Variants in ARID3A observed in about 807,000 individuals in gnomAD.
ARID3A encodes the protein AT-rich interaction domain 3A.
In ARID3A, 11 loss-of-function variants were observed where a neutral mutation model predicts 52.7. The ratio of observed to expected loss-of-function variants is 0.21; its 90% CI spans 0.13 to 0.35. The LOEUF is 0.35. Ranked by LOEUF, ARID3A falls within the 10% of genes least tolerant of loss-of-function variation. The pLI, the probability that ARID3A is intolerant of heterozygous loss-of-function variation, is 1.00. For missense variants in ARID3A, 721 were observed against 838.5 expected (o/e 0.86, Z 1.73); for synonymous variants, 404 against 359.4 (o/e 1.12, Z -1.40).
intron 1 of ARID3A, among the ~76,000 whole-genome samples, chr19:928,056 G>T (rs886156713): frequency 7.2e-5 from 11 of 152,064 alleles, no homozygotes; most frequent in Admixed American, 4.6e-4. Context: ...TCACAGGAGG[G>T]ATCTGAGTCC....
intron 3 of ARID3A, among the ~76,000 whole-genome samples, chr19:958,907 A>G (rs901339055): frequency 1.3e-5 from 2 of 151,972 alleles, no homozygotes; most frequent in African/African-American, 4.8e-5. Context: ...AAAAAATTCC[A>G]TATTTCTTGT....
rs142328261 is a variant in ARID3A at position 946,502 on chromosome 19, G to A, written c.694-13590G>A. ...GTCTCCCAGGCTAGAGTGCGGTGTC[G>A]CGGTCTTGGCTCACTGCAAGCTCCG... is the stretch of plus-strand genomic sequence containing the variant. On this transcript the variant is annotated intron_variant, in intron 3 of 8. Transcript: ENST00000263620. Among the ~76,000 whole-genome samples the A allele has an allele frequency of 5.9e-3, 821 of 140,274 alleles. 12 individuals carry two copies. Among genetic ancestry groups the A allele is most frequent in the African/African-American group, 0.022 (795 of 36,726 alleles). The allele number at this position is 140,274 out of a possible 152,430, so 92.0% of individuals were successfully genotyped here.
At position 972,170 on chromosome 19, in the gene ARID3A, G is replaced by A; in HGVS notation, c.*105G>A. On this transcript the variant is annotated 3_prime_UTR_variant, in exon 9 of 9. Transcript: ENST00000263620. ...GGATGGCGGAAGATACGGGTGGGGA[G>A]GGAAGATATCCAGAAAGGAGCCACA... 1 of 1,086,572 alleles carries A rather than the reference G, an allele frequency of 9.2e-7. No individual in the cohort carries two copies. Among genetic ancestry groups the A allele is most frequent in the African/African-American group, 1.7e-5 (1 of 59,018 alleles). 67.3% of individuals were successfully genotyped at this position (1,086,572 alleles called of 1,614,324 possible).
rs971163301 is a variant in ARID3A at position 964,755 on chromosome 19, G to T, written c.951-78G>T. 2 of 1,538,286 alleles carry T rather than the reference G, an allele frequency of 1.3e-6. No individual in the cohort carries two copies. The highest frequency in any genetic ancestry group is 1.8e-6 in the Non-Finnish European group (2 of 1,138,518). Reference sequence around the variant, plus strand: ...ACCAGGGATGGTGGTGCCACAGTGGGGTTTACTTTGTACTGAAGGCCAAAG... The same window carrying T: ...ACCAGGGATGGTGGTGCCACAGTGGTGTTTACTTTGTACTGAAGGCCAAAG... On this transcript the variant is annotated intron_variant, in intron 5 of 8. Transcript: ENST00000263620. The surrounding 1 kb of genome is among the most constrained non-coding windows in gnomAD (Gnocchi z 5.7).
intron 8 of ARID3A, 115 bp downstream of exon 8, chr19:968,618 G>A: frequency 1.1e-6 from 1 of 916,784 alleles, no homozygotes. Flanking sequence ...CGGGCGAGCA[G>A]GGCACGGCCA....
At position 959,893 on chromosome 19, in the gene ARID3A, G is replaced by A. The variant is rs960586536; in HGVS notation, c.694-199G>A. On this transcript the variant is annotated intron_variant, in intron 3 of 8. Transcript: ENST00000263620. The surrounding 1 kb of genome is among the most constrained non-coding windows in gnomAD (Gnocchi z 5.0). The stretch of plus-strand genomic sequence containing the variant: ...TCCTTGCAGACCCTCTGGGAAGCTC[G>A]TTCACCGGCATTTCTGTCTTGCAGC... Among the ~76,000 whole-genome samples the A allele has an allele frequency of 6.6e-6, 1 of 152,134 alleles. No individual in the cohort carries two copies. The highest frequency in any genetic ancestry group is 1.5e-5 in the Non-Finnish European group (1 of 68,010).
intron 3 of ARID3A, among the ~76,000 whole-genome samples, chr19:946,066 AG>A (rs2037672562): frequency 6.6e-6 from 1 of 151,918 alleles, no homozygotes; most frequent in South Asian, 2.1e-4. Context: ...TCGCGGAGGC[AG>A]GGGCCCGGCG....
intron 3 of ARID3A, among the ~76,000 whole-genome samples, chr19:954,370 G>T (rs1019042902): frequency 6.6e-6 from 1 of 152,254 alleles, no homozygotes; most frequent in South Asian, 2.1e-4. Flanking sequence ...CCCACAGCAG[G>T]AAGTGGACAG....
chr19:933,504 G>T (rs763859962), intron 3 of ARID3A, among the ~76,000 whole-genome samples: 2 of 152,158 alleles, frequency 1.3e-5, no homozygotes, highest in South Asian at 2.1e-4. Context: ...GGGCGCGGCT[G>T]GGGGGAGCCA....
intron 6 of ARID3A, among the ~76,000 whole-genome samples, chr19:965,508 ACATAGTGAGACCC>A (rs1435838986): frequency 2.0e-5 from 3 of 150,848 alleles, no homozygotes; most frequent in Admixed American, 2.0e-4. Context: ...CATCTGGGCA[ACATAGTGAGACCC>A]CATCTCAAAA....
chr19:940,383 G>A (rs984626574), intron 3 of ARID3A, among the ~76,000 whole-genome samples: 7 of 152,102 alleles, frequency 4.6e-5, no homozygotes, highest in South Asian at 2.1e-4. Context: ...CCTGGGCCGC[G>A]GGTCAGTCAA....
rs2038356504 is a variant in ARID3A, at chr19:975,262, G to A, written c.*3197G>A. 2 of 231,744 alleles carry A rather than the reference G, an allele frequency of 8.6e-6. No homozygotes were observed. Among genetic ancestry groups the A allele is most frequent in the African/African-American group, 2.2e-5 (1 of 45,222 alleles). The allele number at this position is 231,744 out of a possible 1,614,324, so 14.4% of individuals were successfully genotyped here. The stretch of plus-strand genomic sequence containing the variant: ...TGGGTGCCCCACAGTCAAGGCCAAC[G>A]GGGGCTCCCCCTGCTCTGAGATGTT... On this transcript the variant is annotated 3_prime_UTR_variant, in exon 9 of 9. Transcript: ENST00000263620.
Position 941,987 on chromosome 19 carries a change from G to C in ARID3A, c.693+9245G>C, listed in dbSNP as rs10411830. Among the ~76,000 whole-genome samples, 34 of 152,184 alleles carry C rather than the reference G, an allele frequency of 2.2e-4. No individual in the cohort carries two copies. Among genetic ancestry groups the C allele is most frequent in the African/African-American group, 8.2e-4 (34 of 41,518 alleles). ...CCCTGAAGCATGAGGTCGCGGTGGG[G>C]CCTATTAACCATTAGACCCCCGGGG... On this transcript the variant is annotated intron_variant, in intron 3 of 8. Coordinates refer to ENST00000263620, the MANE Select transcript of ARID3A (RefSeq NM_005224.3). The surrounding 1 kb of genome is among the most constrained non-coding windows in gnomAD (Gnocchi z 6.9).
Position 947,168 on chromosome 19 carries a change from G to C in ARID3A, c.694-12924G>C, listed in dbSNP as rs1216350032. ...GGGCACCGTGGGGTGGGGTGTGTCTGTGTGTGGCCTGGGGCACCCCCTGCC... is the reference window on the plus strand; with the variant it reads ...GGGCACCGTGGGGTGGGGTGTGTCTCTGTGTGGCCTGGGGCACCCCCTGCC... On this transcript the variant is annotated intron_variant, in intron 3 of 8. Coordinates refer to ENST00000263620, the MANE Select transcript of ARID3A (RefSeq NM_005224.3). This position sits in a 1 kb window ranked among gnomAD's most constrained non-coding sequence, Gnocchi z 6.3. 6.6e-6 allele frequency among the ~76,000 whole-genome samples: 1 copy of C among 152,130 alleles called. No individual in the cohort carries two copies. The highest frequency in any genetic ancestry group is 1.9e-4 in the East Asian group (1 of 5,198).
rs183621037 is a variant in ARID3A, at chr19:959,225, G to T, written c.694-867G>T. Among the ~76,000 whole-genome samples the T allele has an allele frequency of 1.8e-3, 280 of 152,334 alleles. No individual in the cohort carries two copies. Among genetic ancestry groups the T allele is most frequent in the African/African-American group, 5.7e-3 (236 of 41,570 alleles). ...CCCAGAAGCCGTGAGAGGCAGGAAG[G>T]TTCCTCCCTTGGAGACTTCGGAGGG... On this transcript the variant is annotated intron_variant, in intron 3 of 8. Coordinates refer to ENST00000263620, the MANE Select transcript of ARID3A (RefSeq NM_005224.3). This position sits in a 1 kb window ranked among gnomAD's most constrained non-coding sequence, Gnocchi z 5.0.
chr19:930,458 A>G (rs1368443046), intron 2 of ARID3A, among the ~76,000 whole-genome samples: 2 of 149,170 alleles, frequency 1.3e-5, no homozygotes, highest in Non-Finnish European at 3.0e-5. Flanking sequence ...AGGCTGAGGC[A>G]GGAGAATGGC....
rs1025780542 is a variant in ARID3A at position 941,893 on chromosome 19, G to A, written c.693+9151G>A. Among the ~76,000 whole-genome samples the A allele has an allele frequency of 2.6e-5, 4 of 152,074 alleles. No individual in the cohort carries two copies. In the South Asian group the frequency reaches 8.3e-4, roughly 31 times the overall value. On this transcript the variant is annotated intron_variant, in intron 3 of 8. Coordinates refer to ENST00000263620, the MANE Select transcript of ARID3A (RefSeq NM_005224.3). The surrounding 1 kb of genome is among the most constrained non-coding windows in gnomAD (Gnocchi z 6.9). Reference sequence around the variant, plus strand: ...AAGCGTGCCTGCTTGGGCTCGCCACGTGTGCGCACGTGTGCCCGTGACAGA... The same window carrying A: ...AAGCGTGCCTGCTTGGGCTCGCCACATGTGCGCACGTGTGCCCGTGACAGA...
Position 931,200 on chromosome 19 carries a change from G to A in ARID3A, c.369-1218G>A, listed in dbSNP as rs115015823. ...TCCCAGCTACTCGAGAGGCCGAGGC[G>A]GAAGGACTGCTTGAGCTCAGGAGGT... On this transcript the variant is annotated intron_variant, in intron 2 of 8. Transcript: ENST00000263620. Among the ~76,000 whole-genome samples the A allele has an allele frequency of 9.1e-3, 1,389 of 152,134 alleles. 21 individuals are homozygous for A. The highest frequency in any genetic ancestry group is 0.031 in the African/African-American group (1,278 of 41,490).
chr19:966,572 A>T lies in ARID3A; in HGVS notation c.1199A>T (p.Glu400Val), dbSNP rs975933739. The T allele has an allele frequency of 6.5e-7, 1 of 1,538,086 alleles. No individual in the cohort carries two copies. Residue 400 changes from glutamate to valine, a missense_variant and splice_region_variant, in exon 7 of 9, where the codon GAG (glutamate) becomes GTG (valine). Transcript: ENST00000263620. ...CCAATTCCCCTTTTTTCCTACCTAG[A>T]GGAGGACTCAGCCATCCCCATCACA... ...SITPAPKIKK[E>V]EDSAIPITVP...
Sources: allele counts gnomAD v4.1 joint callset (sites outside exome capture counted in the v4.1 genomes callset), GRCh38; gene constraint gnomAD v4.1.1; non-coding constraint Gnocchi (gnomAD v3.1); transcripts MANE v1.5; gene names NCBI Gene and HGNC (gene_info 2026-07-23, HGNC 2026-07-21).